LILRA2: variants seen among roughly 807,000 people sequenced by gnomAD.
LILRA2 encodes the protein leukocyte immunoglobulin-like receptor subfamily A member 2.
LILRA2 carries 45 observed loss-of-function variants against 47.9 expected under a neutral mutation model. The ratio of observed to expected loss-of-function variants is 0.94; its 90% CI spans 0.74 to 1.20. The LOEUF is 1.20. Ranked by LOEUF, LILRA2 falls within the 50% of genes most tolerant of loss-of-function variation. LILRA2 has a pLI of 0.00. For missense variants in LILRA2, 651 were observed against 598.2 expected (o/e 1.09, Z -0.92); for synonymous variants, 279 against 249.2 (o/e 1.12, Z -1.13).
rs1023795848 is a variant in LILRA2, at chr19:54,588,854, G to A, written c.*1508G>A. 4.6e-5 allele frequency: 7 copies of A among 151,596 alleles called. No homozygotes were observed. Among genetic ancestry groups the A allele is most frequent in the African/African-American group, 1.7e-4 (7 of 41,350 alleles). 9.4% of individuals were successfully genotyped at this position (151,596 alleles called of 1,614,324 possible). A position where few individuals can be genotyped will look rare whatever the true frequency, so the allele number is the denominator to read the frequency against. ...TATTTTTTGTATTTTTAGTAGAGAC[G>A]GGGGTCTCGCCATGTTAGTGAGGCT... On this transcript the variant is annotated 3_prime_UTR_variant, in exon 8 of 8. Coordinates refer to ENST00000391738, the MANE Select transcript of LILRA2 (RefSeq NM_001130917.3).
Position 54,587,405 on chromosome 19 carries a change from A to G in LILRA2, c.*59A>G. On this transcript the variant is annotated 3_prime_UTR_variant, in exon 8 of 8. Transcript: ENST00000391738. ...TGGAGCCTCAGGGACAGATCTGATG[A>G]TCCCAGGAGGCTCTGGAGGACAATC... is the stretch of plus-strand genomic sequence containing the variant. 6.2e-7 allele frequency: 1 copy of G among 1,609,842 alleles called. No homozygotes were observed. The highest frequency in any genetic ancestry group is 8.5e-7 in the Non-Finnish European group (1 of 1,177,436).
At chr19:54,577,917 T>A (rs987500687) in intron 6 of LILRA2, among the ~76,000 whole-genome samples, 6 of 152,082 alleles carry the variant, frequency 3.9e-5, no homozygotes, top group Non-Finnish European at 8.8e-5. Context: ...TAATTGAGTC[T>A]TGATTTAATT....
chr19:54,574,712 G>C lies in LILRA2; in HGVS notation c.353-19G>C, dbSNP rs375484573. On this transcript the variant is annotated intron_variant, in intron 3 of 7. Coordinates refer to ENST00000391738, the MANE Select transcript of LILRA2 (RefSeq NM_001130917.3). ...GGAGGTGGGAGCCCCATTTAACACAGTGCCTCCTTCTCTCCTAGGAGCCTA... is the reference window on the plus strand; with the variant it reads ...GGAGGTGGGAGCCCCATTTAACACACTGCCTCCTTCTCTCCTAGGAGCCTA... The C allele has an allele frequency of 8.3e-5, 134 of 1,612,528 alleles. No individual in the cohort carries two copies. The African/African-American group carries it at 1.7e-3, about 20-fold the overall frequency.
intron 6 of LILRA2, among the ~76,000 whole-genome samples, chr19:54,578,602 T>A (rs2062549511): frequency 6.6e-6 from 1 of 152,254 alleles, no homozygotes; most frequent in African/African-American, 2.4e-5. Context: ...TGTGTCTTTG[T>A]CGTAGAATGG....
At chr19:54,585,694 C>A (rs1002567498) in intron 6 of LILRA2, among the ~76,000 whole-genome samples, 2 of 152,244 alleles carry the variant, frequency 1.3e-5, no homozygotes, top group Non-Finnish European at 2.9e-5. Flanking sequence ...CGGATACAGT[C>A]TGTCACGGCT....
chr19:54,583,728 T>C (rs528524796), intron 6 of LILRA2, among the ~76,000 whole-genome samples: 3 of 152,310 alleles, frequency 2.0e-5, no homozygotes, highest in South Asian at 2.1e-4. Flanking sequence ...TTTATCCAAT[T>C]TGCTGGTCTG....
intron 2 of LILRA2, 56 bp from the exon 3 acceptor site, chr19:54,574,245 G>A (rs2062274189): frequency 6.2e-7 from 1 of 1,613,836 alleles, no homozygotes; most frequent in Non-Finnish European, 8.5e-7. Flanking sequence ...GCAGCTGAGA[G>A]CTGAGATCTG....
chr19:54,573,987 G>C (rs2062246397), intron 1 of LILRA2, 75 bp downstream of exon 1: 1 of 1,613,354 alleles, frequency 6.2e-7, no homozygotes, highest in South Asian at 1.1e-5. Flanking sequence ...GGTCCCTAAG[G>C]AGACCCCAGG....
chr19:54,575,791 T>C lies in LILRA2; in HGVS notation c.953-16T>C, dbSNP rs759226098. On this transcript the variant is annotated splice_polypyrimidine_tract_variant and intron_variant, in intron 5 of 7. Coordinates refer to ENST00000391738, the MANE Select transcript of LILRA2 (RefSeq NM_001130917.3). ...ACAAGGTGGGGCAGCCCCTCACCCATCCTTCTTCTCTCTAGGACAGTTCTA... is the reference window on the plus strand; with the variant it reads ...ACAAGGTGGGGCAGCCCCTCACCCACCCTTCTTCTCTCTAGGACAGTTCTA... 7.4e-6 allele frequency: 12 copies of C among 1,612,160 alleles called. No homozygotes were observed. In the Middle Eastern group the frequency reaches 1.2e-3, roughly 156 times the overall value.
rs770183945 is a variant in LILRA2 at position 54,574,953 on chromosome 19, C to G, written c.575C>G (p.Ser192Trp). Residue 192 changes from serine to tryptophan, a missense_variant, in exon 4 of 8, where the codon TCG becomes TGG. Coordinates refer to ENST00000391738, the MANE Select transcript of LILRA2 (RefSeq NM_001130917.3). ...CCCGTGAGCCCGAGTCGCAGGTGGT[C>G]GTACAGGTGCTATGCTTATGACTCG... ...VGPVSPSRRW[S>W]YRCYAYDSNS... The G allele has an allele frequency of 3.2e-5, 52 of 1,614,138 alleles. No homozygotes were observed. Among genetic ancestry groups the G allele is most frequent in the African/African-American group, 2.1e-4 (16 of 74,958 alleles).
At chr19:54,577,910 T>C (rs1299164909) in intron 6 of LILRA2, among the ~76,000 whole-genome samples, 1 of 152,072 alleles carries the variant, frequency 6.6e-6, no homozygotes, top group African/African-American at 2.4e-5. Flanking sequence ...TCCCCTTTAA[T>C]TGAGTCTTGA....
In LILRA2 at chr19:54,574,385, G is replaced by A. The variant is rs774578964; in HGVS notation, c.155G>A (p.Ser52Asn). Reference sequence around the variant, plus strand: ...CCTGTGACCCTCAGGTGTCAGGGGAGCCTTCAGGCTGAGGAGTACCATCTA... The same window carrying A: ...CCTGTGACCCTCAGGTGTCAGGGGAACCTTCAGGCTGAGGAGTACCATCTA... ...GSPVTLRCQG[S>N]LQAEEYHLYR... The change falls in exon 3 of 8, where the codon AGC (serine) becomes AAC (asparagine). Residue 52 changes from serine (S) to asparagine (N), a missense_variant. By Grantham distance (46) the Ser-to-Asn change is conservative. Transcript: ENST00000391738. The A allele has an allele frequency of 6.2e-7, 1 of 1,614,214 alleles. No individual in the cohort carries two copies. Among genetic ancestry groups the A allele is most frequent in the Non-Finnish European group, 8.5e-7 (1 of 1,180,026 alleles).
At position 54,574,852 on chromosome 19, in the gene LILRA2, A is replaced by G; in HGVS notation, c.474A>G (p.Gly158=). The stretch of plus-strand genomic sequence containing the variant: ...ACGGCTTCATTCTGTGTAAGGAAGG[A>G]GAAGATGAACACCCACAACGCCTGA... ...AFDGFILCKE[G]EDEHPQRLNS... The change falls in exon 4 of 8, where the codon GGA becomes GGG. Residue 158 remains glycine, a synonymous_variant. Coordinates refer to ENST00000391738, the MANE Select transcript of LILRA2 (RefSeq NM_001130917.3). 6.2e-7 allele frequency: 1 copy of G among 1,614,166 alleles called. No homozygotes were observed. Among genetic ancestry groups the G allele is most frequent in the Non-Finnish European group, 8.5e-7 (1 of 1,180,052 alleles).
At chr19:54,573,266 G>A (rs2062199418), upstream of LILRA2, 4 of 461,650 alleles carry the variant, frequency 8.7e-6, no homozygotes, top group Middle Eastern at 6.2e-4. Context: ...TTCCAGGCAT[G>A]AGCCACCATG....
chr19:54,574,128 C>A lies in LILRA2; in HGVS notation c.70+17C>A. 1 of 1,614,264 alleles carries A rather than the reference C, an allele frequency of 6.2e-7. No individual in the cohort carries two copies. Among genetic ancestry groups the A allele is most frequent in the Non-Finnish European group, 8.5e-7 (1 of 1,180,050 alleles). ...TGCAGGCAGGTGAGTCTGTTCCCAGCTGTCCCAGGTCCCTCCTCCTCACTA... is the reference window on the plus strand; with the variant it reads ...TGCAGGCAGGTGAGTCTGTTCCCAGATGTCCCAGGTCCCTCCTCCTCACTA... On this transcript the variant is annotated intron_variant, in intron 2 of 7. Transcript: ENST00000391738.
rs1294884199 is a variant in LILRA2, at chr19:54,584,946, G to A, written c.1256-2064G>A. Among the ~76,000 whole-genome samples the A allele has an allele frequency of 2.6e-5, 4 of 152,124 alleles. No homozygotes were observed. The South Asian group carries it at 8.3e-4, about 32-fold the overall frequency. ...TTGGTCTTTGATGTTGGTGACCTAG[G>A]GATGGGGTTTTGGTGTGGATGTCCT... On this transcript the variant is annotated intron_variant, in intron 6 of 7. Coordinates refer to ENST00000391738, the MANE Select transcript of LILRA2 (RefSeq NM_001130917.3).
rs146167488 is a variant in LILRA2, at chr19:54,577,615, C to A, written c.1255+1506C>A. On this transcript the variant is annotated intron_variant, in intron 6 of 7. Transcript: ENST00000391738. ...GCTCCTTTAGAGAGAAGCACCCCAG[C>A]TGTGGGTGCCGCTCACACTGCCCCT... 903 of 1,289,716 alleles carry A rather than the reference C, an allele frequency of 7.0e-4. 11 individuals carry two copies. The East Asian group carries it at 0.033, about 47-fold the overall frequency. 79.9% of individuals were successfully genotyped at this position (1,289,716 alleles called of 1,614,324 possible).
At chr19:54,574,034 AG>A (rs750562995) in intron 1 of LILRA2, 41 bp from the exon 2 acceptor site, 2 of 1,614,122 alleles carry the variant, frequency 1.2e-6, no homozygotes, top group African/African-American at 2.7e-5. Context: ...GGACCTGCCC[AG>A]GCTTCAGGGG....
chr19:54,577,546 C>T (rs898539199), intron 6 of LILRA2: 64 of 1,289,620 alleles, frequency 5.0e-5, no homozygotes, highest in East Asian at 5.5e-5. Flanking sequence ...GCTTGGGCCT[C>T]GGTGGGATCT....
Sources: gnomAD v4.1 joint callset for allele counts (sites outside exome capture counted in the v4.1 genomes callset) on GRCh38, gnomAD v4.1.1 for gene constraint, MANE v1.5 for transcripts, NCBI Gene and HGNC (gene_info 2026-07-23, HGNC 2026-07-21) for gene names.